Variants in CNBD1 observed in about 807,000 individuals in gnomAD.
The protein encoded by CNBD1 is cyclic nucleotide-binding domain-containing protein 1.
A neutral mutation model predicts 54.4 loss-of-function variants in CNBD1; 71 were observed. The ratio of observed to expected loss-of-function variants is 1.30; its 90% CI spans 1.08 to 1.59. The LOEUF (loss-of-function observed/expected upper bound fraction) is 1.59. CNBD1 is among the 40% of genes most tolerant of loss of function. CNBD1 has a pLI of 0.00. For synonymous variants in CNBD1, 182 were observed against 170.7 expected (o/e 1.07, Z -0.51); for missense variants, 659 against 518.0 (o/e 1.27, Z -2.64).
At chr8:86,990,619 T>C (rs1294818360) in intron 4 of CNBD1, among the ~76,000 whole-genome samples, 1 of 152,202 alleles carries the variant, frequency 6.6e-6, no homozygotes, top group African/African-American at 2.4e-5. Context: ...TGAAGTCAGG[T>C]AATGTGATTC....
chr8:87,300,047 T>C (rs1439257290), intron 8 of CNBD1, among the ~76,000 whole-genome samples: 1 of 152,192 alleles, frequency 6.6e-6, no homozygotes, highest in African/African-American at 2.4e-5. Flanking sequence ...CTTAGCCCAT[T>C]GGACACTTGG....
intron 3 of CNBD1, among the ~76,000 whole-genome samples, chr8:86,913,077 A>G (rs1809129389): frequency 6.6e-6 from 1 of 152,248 alleles, no homozygotes; most frequent in Admixed American, 6.5e-5. Flanking sequence ...TAAAGACATT[A>G]AACACAATGA....
At chr8:87,094,495 A>G (rs1811280069) in intron 4 of CNBD1, among the ~76,000 whole-genome samples, 1 of 150,090 alleles carries the variant, frequency 6.7e-6, no homozygotes, top group Non-Finnish European at 1.5e-5. Context: ...ACTAAAAAAT[A>G]TCAAAAAGGA....
chr8:87,409,793 C>G (rs867378635), intron 2 of CNBD1, among the ~76,000 whole-genome samples: 1 of 151,952 alleles, frequency 6.6e-6, no homozygotes, highest in Non-Finnish European at 1.5e-5. Flanking sequence ...GAGGCTGAAG[C>G]GGGAGGATTG....
At chr8:87,004,715 A>G (rs895427069) in intron 4 of CNBD1, among the ~76,000 whole-genome samples, 1 of 152,102 alleles carries the variant, frequency 6.6e-6, no homozygotes, top group African/African-American at 2.4e-5. Context: ...AAAATATCAT[A>G]TGCTACAGGA....
intron 5 of CNBD1, among the ~76,000 whole-genome samples, chr8:87,221,538 A>C (rs181278199): frequency 6.6e-6 from 1 of 152,226 alleles, no homozygotes; most frequent in Admixed American, 6.5e-5. Flanking sequence ...GATCCATCAT[A>C]AATGCTTCTT....
At chr8:87,373,113 T>G (rs921120409) in intron 10 of CNBD1, among the ~76,000 whole-genome samples, 4 of 151,810 alleles carry the variant, frequency 2.6e-5, no homozygotes, top group Non-Finnish European at 4.4e-5. Context: ...AATAAAGGCA[T>G]AGTTTACATA....
intron 6 of CNBD1, among the ~76,000 whole-genome samples, chr8:87,265,672 TAATA>T (rs1808241015): frequency 2.0e-5 from 3 of 152,258 alleles, no homozygotes; most frequent in African/African-American, 7.2e-5. Context: ...CTCTTTTTCT[TAATA>T]AAGTTTTTAT....
intron 4 of CNBD1, among the ~76,000 whole-genome samples, chr8:87,096,274 G>C (rs1268620380): frequency 6.6e-6 from 1 of 151,602 alleles, no homozygotes; most frequent in African/African-American, 2.4e-5. Context: ...CCCTATTTGT[G>C]GCTTATAGCC....
chr8:87,012,413 C>T (rs370873659), intron 4 of CNBD1, among the ~76,000 whole-genome samples: 8 of 152,138 alleles, frequency 5.3e-5, no homozygotes, highest in African/African-American at 1.9e-4. Context: ...TTGAACCTAA[C>T]TCTAGCATAA....
At chr8:87,389,889 C>T (rs556615154) in intron 2 of CNBD1, among the ~76,000 whole-genome samples, 1 of 152,204 alleles carries the variant, frequency 6.6e-6, no homozygotes, top group African/African-American at 2.4e-5. Context: ...GGTACTGGTA[C>T]CTAAACAGAG....
chr8:86,903,041 A>G (rs1443063645), intron 2 of CNBD1, among the ~76,000 whole-genome samples: 1 of 152,148 alleles, frequency 6.6e-6, no homozygotes, highest in Non-Finnish European at 1.5e-5. Context: ...TATAAATTAT[A>G]GCATTACAGG....
intron 4 of CNBD1, among the ~76,000 whole-genome samples, chr8:87,162,093 T>C (rs899293122): frequency 2.0e-5 from 3 of 152,090 alleles, no homozygotes; most frequent in African/African-American, 2.4e-5. Flanking sequence ...TTCAAACACA[T>C]GCAAAGTCTT....
chr8:87,380,267 A>T (rs1047811527), intron 10 of CNBD1, among the ~76,000 whole-genome samples: 1 of 151,992 alleles, frequency 6.6e-6, no homozygotes, highest in Non-Finnish European at 1.5e-5. Context: ...TTAGAAATGG[A>T]CATGATAATA....
chr8:86,987,869 A>G (rs1472197723), intron 4 of CNBD1, among the ~76,000 whole-genome samples: 2 of 152,112 alleles, frequency 1.3e-5, no homozygotes, highest in Admixed American at 1.3e-4. Flanking sequence ...TGGTGTATTA[A>G]CTTTCTCATT....
At chr8:86,926,890 C>T (rs1809370006) in intron 3 of CNBD1, among the ~76,000 whole-genome samples, 1 of 152,156 alleles carries the variant, frequency 6.6e-6, no homozygotes, top group Non-Finnish European at 1.5e-5. Context: ...CCATTCCTAA[C>T]TGTGTAAGTA....
At chr8:87,231,104 A>T (rs372344417) in intron 5 of CNBD1, among the ~76,000 whole-genome samples, 1 of 152,176 alleles carries the variant, frequency 6.6e-6, no homozygotes, top group African/African-American at 2.4e-5. Flanking sequence ...TCTCTTATGA[A>T]CAAGTAACTA....
chr8:87,286,206 A>G (rs1808695781), intron 7 of CNBD1, among the ~76,000 whole-genome samples: 1 of 152,182 alleles, frequency 6.6e-6, no homozygotes, highest in Admixed American at 6.6e-5. Context: ...TTTATTTCCC[A>G]AATATCAGTA....
At chr8:87,187,178 A>C (rs1444853523) in intron 4 of CNBD1, among the ~76,000 whole-genome samples, 4 of 144,482 alleles carry the variant, frequency 2.8e-5, no homozygotes, top group Non-Finnish European at 6.2e-5. Context: ...TTATATAGCT[A>C]TATCTCAATA....
Sources: allele counts gnomAD v4.1 joint callset (sites outside exome capture counted in the v4.1 genomes callset), GRCh38; gene constraint gnomAD v4.1.1; transcripts MANE v1.5; gene names NCBI Gene and HGNC (gene_info 2026-07-23, HGNC 2026-07-21).